Variants in DOCK8 observed in about 807,000 individuals in gnomAD.
The protein encoded by DOCK8 is dedicator of cytokinesis protein 8.
A neutral mutation model predicts 245.6 loss-of-function variants in DOCK8; 141 were observed. That is an observed-to-expected ratio of 0.57 (90% confidence interval 0.50 to 0.66). DOCK8 has a LOEUF of 0.66. DOCK8 is among the 30% of genes least tolerant of loss of function. The pLI, the probability that DOCK8 is intolerant of heterozygous loss-of-function variation, is 0.00. For missense variants in DOCK8, 2,965 were observed against 2,603.4 expected (o/e 1.14, Z -3.02); for synonymous variants, 1,168 against 970.2 (o/e 1.20, Z -3.79).
intron 44 of DOCK8, among the ~76,000 whole-genome samples, chr9:448,446 A>C (rs1163218964): frequency 1.3e-5 from 2 of 152,162 alleles, no homozygotes; most frequent in African/African-American, 2.4e-5. Context: ...CAACAACCTC[A>C]ACAACAGTTC....
chr9:261,997 G>GAGAAA (rs2047928066), intron 1 of DOCK8, among the ~76,000 whole-genome samples: 1 of 146,734 alleles, frequency 6.8e-6, no homozygotes, highest in Admixed American at 6.8e-5. Flanking sequence ...AAGAAAGAAG[G>GAGAAA]AGAAAGAAAG....
chr9:406,027 G>A (rs2131542646), intron 27 of DOCK8, among the ~76,000 whole-genome samples: 1 of 152,280 alleles, frequency 6.6e-6, no homozygotes, highest in Admixed American at 6.5e-5. Flanking sequence ...ACAAAACCAT[G>A]AAGGATTTCT....
At chr9:343,428 G>A (rs1361863543) in intron 14 of DOCK8, among the ~76,000 whole-genome samples, 4 of 151,828 alleles carry the variant, frequency 2.6e-5, no homozygotes, top group South Asian at 4.1e-4. Flanking sequence ...CCAGAAATTC[G>A]AGGTTAGCCT....
At chr9:355,532 T>C (rs928701232) in intron 14 of DOCK8, among the ~76,000 whole-genome samples, 2 of 151,938 alleles carry the variant, frequency 1.3e-5, no homozygotes, top group African/African-American at 2.4e-5. Context: ...ACATCTGCAA[T>C]GCATCACTCT....
chr9:381,129 C>T (rs1457055734), intron 21 of DOCK8: 2 of 146,050 alleles, frequency 1.4e-5, no homozygotes, highest in Non-Finnish European at 2.9e-5. Flanking sequence ...CAAACAAACA[C>T]CCTAAAATTC....
intron 35 of DOCK8, 136 bp from the exon 36 acceptor site, chr9:429,566 T>G: frequency 1.0e-6 from 1 of 1,002,880 alleles, no homozygotes; most frequent in East Asian, 2.4e-5. Context: ...TTCACATAGC[T>G]CATTATCTTT....
In DOCK8 at chr9:399,216, A is replaced by G. The variant is rs1258533253; in HGVS notation, c.3191A>G (p.Asp1064Gly). The change falls in exon 26 of 48, where the codon GAT (aspartate) becomes GGT (glycine). Residue 1064 changes from aspartate (D) to glycine (G), a missense_variant. By Grantham distance (94) the Asp-to-Gly change is moderately conservative. Around this residue, in one of 3 missense-constraint regions of DOCK8, gnomAD observed 2,825 missense variants for 2,453.5 expected, o/e 1.15. Coordinates refer to ENST00000432829, the MANE Select transcript of DOCK8 (RefSeq NM_203447.4). ...FFLYDLLSLM[D>G]RGFVFNLIRH... ...TTGTATGACCTTCTCTCCCTCATGG[A>G]TCGGGGCTTTGTGTTTAACCTCATC... The G allele has an allele frequency of 6.2e-7, 1 of 1,613,748 alleles. No individual in the cohort carries two copies. The highest frequency in any genetic ancestry group is 1.3e-5 in the African/African-American group (1 of 74,868).
intron 34 of DOCK8, 33 bp downstream of exon 34, chr9:427,014 G>T (rs568545293): frequency 1.9e-6 from 3 of 1,570,968 alleles, no homozygotes; most frequent in East Asian, 4.5e-5. Context: ...CTGATTTGTT[G>T]GCCATGAATA....
intron 1 of DOCK8, among the ~76,000 whole-genome samples, chr9:227,295 T>C (rs955211027): frequency 5.9e-5 from 9 of 152,192 alleles, no homozygotes; most frequent in African/African-American, 1.9e-4. Flanking sequence ...GGGATGATTT[T>C]TTACTTCCCT....
chr9:409,010 G>T (rs965759294), intron 28 of DOCK8, among the ~76,000 whole-genome samples: 8 of 152,128 alleles, frequency 5.3e-5, no homozygotes, highest in Non-Finnish European at 7.4e-5. Flanking sequence ...TACTCTCCTG[G>T]AAAGTCATTA....
intron 30 of DOCK8, among the ~76,000 whole-genome samples, chr9:418,721 T>C (rs1031056551): frequency 6.6e-6 from 1 of 152,166 alleles, no homozygotes; most frequent in Non-Finnish European, 1.5e-5. Flanking sequence ...GCAGATCAAA[T>C]TCAGGCAGTC....
chr9:211,766 T>C (rs757802081), upstream of DOCK8, among the ~76,000 whole-genome samples: 21 of 152,064 alleles, frequency 1.4e-4, no homozygotes, highest in Non-Finnish European at 2.2e-4. Context: ...AAAGACCGTG[T>C]GACTTACTCG....
At chr9:277,008 C>T (rs1324606374) in intron 2 of DOCK8, 4 of 330,630 alleles carry the variant, frequency 1.2e-5, no homozygotes, top group African/African-American at 6.6e-5. Flanking sequence ...GGAGTTTCTC[C>T]ATGTTGTCCA....
intron 1 of DOCK8, among the ~76,000 whole-genome samples, chr9:267,697 A>T (rs989848623): frequency 6.6e-6 from 1 of 152,330 alleles, no homozygotes; most frequent in South Asian, 2.1e-4. Flanking sequence ...CTTACTTTAT[A>T]TGCAGGTTTC....
chr9:376,302 C>T lies in DOCK8; in HGVS notation c.2202C>T (p.Thr734=), dbSNP rs1402780178. Residue 734 remains threonine (T), a synonymous_variant, in exon 19 of 48, where the codon ACC becomes ACT. Transcript: ENST00000432829. ...IEVQAVSSVH[T]QDNHLEKFFT... ...TGCAAGCTGTTTCTTCTGTACACAC[C>T]CAGGTAAGGAATGTCAAGGTTAATC... 2 of 1,604,884 alleles carry T rather than the reference C, an allele frequency of 1.2e-6. No homozygotes were observed. Among genetic ancestry groups the T allele is most frequent in the African/African-American group, 1.3e-5 (1 of 74,682 alleles).
chr9:333,524 C>T (rs988282252), intron 10 of DOCK8, among the ~76,000 whole-genome samples: 8 of 151,894 alleles, frequency 5.3e-5, no homozygotes, highest in African/African-American at 1.7e-4. Flanking sequence ...TAGCTTGAAC[C>T]TGGGAGGCGG....
chr9:350,286 A>G (rs1346721991), intron 14 of DOCK8, among the ~76,000 whole-genome samples: 2 of 152,000 alleles, frequency 1.3e-5, no homozygotes, highest in African/African-American at 4.8e-5. Context: ...TAATTATTTT[A>G]TCTTTTCTAG....
At chr9:268,871 C>A (rs1563855136) in intron 1 of DOCK8, among the ~76,000 whole-genome samples, 1 of 152,170 alleles carries the variant, frequency 6.6e-6, no homozygotes, top group Non-Finnish European at 1.5e-5. Context: ...CAATATAGAC[C>A]TTTGTTTTGG....
chr9:385,722 T>G (rs1419451866), intron 22 of DOCK8, among the ~76,000 whole-genome samples: 1 of 152,204 alleles, frequency 6.6e-6, no homozygotes, highest in African/African-American at 2.4e-5. Context: ...CAACTCAGCC[T>G]CATATTGAAA....
Sources: allele counts gnomAD v4.1 joint callset (sites outside exome capture counted in the v4.1 genomes callset), GRCh38; gene constraint gnomAD v4.1.1; regional missense constraint gnomAD v4.1.1; transcripts MANE v1.5; gene names NCBI Gene and HGNC (gene_info 2026-07-23, HGNC 2026-07-21).